Variants in LARGE1 observed in about 807,000 individuals in gnomAD.
LARGE1 encodes xylosyl- and glucuronyltransferase LARGE1.
In LARGE1, 43 loss-of-function variants were observed where a neutral mutation model predicts 87.6. The observed-to-expected ratio is 0.49, with a 90% CI of 0.38 to 0.63. The LOEUF is 0.63. LARGE1 is among the 30% of genes least tolerant of loss of function. LARGE1 has a pLI of 0.00. For synonymous variants in LARGE1, 434 were observed against 394.6 expected (o/e 1.10, Z -1.18); for missense variants, 802 against 1,000.2 (o/e 0.80, Z 2.67).
the LARGE1 span, among the ~76,000 whole-genome samples, chr22:33,129,906 T>G: frequency 1.3e-5 from 2 of 152,188 alleles, no homozygotes; most frequent in East Asian, 3.8e-4. Context: ...GGAATTACAA[T>G]TCAAGATAAG....
chr22:33,565,246 G>C (rs1047515506), intron 5 of LARGE1, among the ~76,000 whole-genome samples: 2 of 152,064 alleles, frequency 1.3e-5, no homozygotes, highest in Admixed American at 6.6e-5. Flanking sequence ...AAAAGTAATA[G>C]TTATGAAATA....
intron 2 of LARGE1, among the ~76,000 whole-genome samples, chr22:33,689,476 G>A (rs240071): frequency 6.6e-6 from 1 of 152,098 alleles, no homozygotes; most frequent in Non-Finnish European, 1.5e-5. Context: ...AACAGGGTTA[G>A]GGGAGAAGTG....
the LARGE1 span, among the ~76,000 whole-genome samples, chr22:33,099,587 G>A: frequency 5.9e-5 from 9 of 152,304 alleles, no homozygotes; most frequent in South Asian, 6.2e-4. Context: ...TGGGCAAGGC[G>A]TGTTCCCAGT....
intron 11 of LARGE1, among the ~76,000 whole-genome samples, chr22:33,202,737 C>T (rs1020545323): frequency 5.9e-5 from 9 of 152,134 alleles, no homozygotes; most frequent in Non-Finnish European, 1.3e-4. Flanking sequence ...AGAAACCCCA[C>T]GAAGTTCTAC....
chr22:33,813,029 T>C (rs1210865381), intron 1 of LARGE1, among the ~76,000 whole-genome samples: 1 of 152,164 alleles, frequency 6.6e-6, no homozygotes, highest in African/African-American at 2.4e-5. Context: ...TTGGTTTAAA[T>C]GGTGGTATGA....
At chr22:33,500,158 G>C (rs2070360376) in intron 6 of LARGE1, among the ~76,000 whole-genome samples, 1 of 152,198 alleles carries the variant, frequency 6.6e-6, no homozygotes, top group Non-Finnish European at 1.5e-5. Context: ...TAATATGTAA[G>C]TCTGCTTCTA....
the LARGE1 span, among the ~76,000 whole-genome samples, chr22:33,120,346 T>C: frequency 7.2e-6 from 1 of 138,790 alleles, no homozygotes; most frequent in African/African-American, 2.8e-5. Flanking sequence ...TCTTTTTCTT[T>C]CTTTTCTTTC....
chr22:33,901,095 G>A (rs2065271033), intron 1 of LARGE1, among the ~76,000 whole-genome samples: 2 of 152,132 alleles, frequency 1.3e-5, no homozygotes, highest in Admixed American at 6.5e-5. Flanking sequence ...CATGTACAGA[G>A]GGAAGACAAT....
intron 11 of LARGE1, among the ~76,000 whole-genome samples, chr22:33,259,015 T>C (rs967421973): frequency 4.6e-5 from 7 of 152,000 alleles, no homozygotes; most frequent in Non-Finnish European, 7.4e-5. Flanking sequence ...GTAGCTGGGA[T>C]TATGGGCGCC....
intron 11 of LARGE1, among the ~76,000 whole-genome samples, chr22:33,188,954 T>C (rs1271824262): frequency 6.6e-6 from 1 of 151,690 alleles, no homozygotes; most frequent in Non-Finnish European, 1.5e-5. Context: ...GTCGCCAACA[T>C]TGTCCACCCA....
the LARGE1 span, among the ~76,000 whole-genome samples, chr22:33,098,283 A>G: frequency 1.3e-5 from 2 of 152,146 alleles, no homozygotes; most frequent in African/African-American, 4.8e-5. Flanking sequence ...AGTCTGGGTG[A>G]CAGAGGAAGA....
chr22:33,543,654 G>C (rs1291925973), intron 6 of LARGE1, among the ~76,000 whole-genome samples: 5 of 152,220 alleles, frequency 3.3e-5, no homozygotes, highest in African/African-American at 1.2e-4. Flanking sequence ...ACTTTACTGA[G>C]ACTTAAGCAG....
chr22:33,762,199 G>A (rs890859843), intron 1 of LARGE1, among the ~76,000 whole-genome samples: 17 of 124,782 alleles, frequency 1.4e-4, no homozygotes, highest in African/African-American at 5.0e-4. Context: ...GGGAGACAGA[G>A]CGAGATTCTA....
At chr22:33,072,174 C>CA in the LARGE1 span, among the ~76,000 whole-genome samples, 3 of 152,076 alleles carry the variant, frequency 2.0e-5, no homozygotes, top group Admixed American at 2.0e-4. Flanking sequence ...GAGATCTGCT[C>CA]AAAAATGCCT....
At chr22:33,815,951 T>TATGAAA (rs1396326989) in intron 1 of LARGE1, among the ~76,000 whole-genome samples, 1 of 152,166 alleles carries the variant, frequency 6.6e-6, no homozygotes, top group African/African-American at 2.4e-5. Flanking sequence ...GACTATCAAC[T>TATGAAA]GTTCATCACC....
At chr22:33,814,418 T>C (rs1314471214) in intron 1 of LARGE1, among the ~76,000 whole-genome samples, 2 of 152,232 alleles carry the variant, frequency 1.3e-5, no homozygotes, top group South Asian at 2.1e-4. Flanking sequence ...GGCTAGGCTA[T>C]GGTCCCCAGT....
intron 1 of LARGE1, among the ~76,000 whole-genome samples, chr22:33,836,175 C>T (rs779366519): frequency 1.3e-5 from 2 of 152,138 alleles, no homozygotes; most frequent in Admixed American, 6.5e-5. Flanking sequence ...AAAGGAAAGA[C>T]AGTGGAGGCA....
At chr22:33,282,576 C>T (rs542700153) in intron 13 of LARGE1, among the ~76,000 whole-genome samples, 10 of 152,250 alleles carry the variant, frequency 6.6e-5, no homozygotes, top group Non-Finnish European at 1.0e-4. Context: ...CAGGGGAGCT[C>T]CCTTGCAATG....
chr22:33,824,057 T>A (rs1007156408), intron 1 of LARGE1, among the ~76,000 whole-genome samples: 7 of 152,228 alleles, frequency 4.6e-5, no homozygotes, highest in African/African-American at 1.4e-4. Flanking sequence ...AAGGCTGATA[T>A]CATTATCCTC....
Sources: gnomAD v4.1 joint callset for allele counts (sites outside exome capture counted in the v4.1 genomes callset) on GRCh38, gnomAD v4.1.1 for gene constraint, MANE v1.5 for transcripts, NCBI Gene and HGNC (gene_info 2026-07-23, HGNC 2026-07-21) for gene names.